Variants in DCC observed in about 807,000 individuals in gnomAD.
The protein encoded by DCC is netrin receptor DCC.
A neutral mutation model predicts 172.5 loss-of-function variants in DCC; 58 were observed. The observed-to-expected ratio is 0.34, with a 90% CI of 0.27 to 0.42. DCC has a LOEUF of 0.42. Among genes scored for constraint, DCC ranks in the 10% least tolerant of loss-of-function variants. The pLI, the probability that DCC is intolerant of heterozygous loss-of-function variation, is 1.00. For missense variants in DCC, 1,740 were observed against 1,791.0 expected, an observed-to-expected ratio of 0.97 and a Z score of 0.51; for synonymous variants, 709 against 644.5, an observed-to-expected ratio of 1.10 and a Z score of -1.52.
In DCC at chr18:52,612,208, T is replaced by C. The variant is rs528250127; in HGVS notation, c.92-139846T>C. Among the ~76,000 whole-genome samples the C allele has an allele frequency of 6.6e-5, 10 of 152,286 alleles. No homozygotes were observed. The South Asian group carries it at 2.1e-3, about 32-fold the overall frequency. On this transcript the variant is annotated intron_variant, in intron 1 of 28. Transcript: ENST00000442544. ...TGCAACAAGCCCCTTCCTGCTCTAG[T>C]GTCTTTGGCTCAGTCAGGTGATGCC...
chr18:53,410,642 G>T lies in DCC; in HGVS notation c.3126G>T (p.Leu1042=). Residue 1042 remains leucine (L), a synonymous_variant, in exon 20 of 29, where the codon CTG becomes CTT. Coordinates refer to ENST00000442544, the MANE Select transcript of DCC (RefSeq NM_005215.4). ...CTGATCCTATCCTCTTCAGGACTCT[G>T]AAAGGTTTGAATAATTTCCTATTAT... ...PLSDPILFRT[L]KVEHPDKMAN... The T allele has an allele frequency of 1.3e-6, 2 of 1,568,900 alleles. No individual in the cohort carries two copies. Among genetic ancestry groups the T allele is most frequent in the Non-Finnish European group, 1.8e-6 (2 of 1,138,064 alleles).
At chr18:53,330,266 G>T (rs775826798) in intron 14 of DCC, among the ~76,000 whole-genome samples, 5 of 152,152 alleles carry the variant, frequency 3.3e-5, no homozygotes, top group African/African-American at 4.8e-5. Flanking sequence ...CCTTAAGATT[G>T]ATTGTATTCT....
intron 7 of DCC, among the ~76,000 whole-genome samples, chr18:53,089,644 G>A (rs1160374077): frequency 6.6e-6 from 1 of 151,776 alleles, no homozygotes; most frequent in Admixed American, 6.6e-5. Context: ...GCACCTAAAA[G>A]TACTGTGGCC....
chr18:53,259,019 C>T (rs1369553030), intron 12 of DCC, among the ~76,000 whole-genome samples: 1 of 151,802 alleles, frequency 6.6e-6, no homozygotes, highest in African/African-American at 2.4e-5. Flanking sequence ...TTATCAGAGA[C>T]TAGGATTGCA....
intron 15 of DCC, among the ~76,000 whole-genome samples, chr18:53,341,197 T>C (rs2057655437): frequency 6.6e-6 from 1 of 152,198 alleles, no homozygotes; most frequent in Non-Finnish European, 1.5e-5. Flanking sequence ...ACAGTTCATC[T>C]TGATGCCACT....
chr18:52,862,722 A>ATC (rs1480561224), intron 2 of DCC, among the ~76,000 whole-genome samples: 1 of 152,120 alleles, frequency 6.6e-6, no homozygotes, highest in Non-Finnish European at 1.5e-5. Flanking sequence ...AACTAAAAAA[A>ATC]TTAAAAAAAA....
chr18:53,481,546 A>C (rs996768285), intron 25 of DCC, among the ~76,000 whole-genome samples: 2 of 152,144 alleles, frequency 1.3e-5, no homozygotes, highest in African/African-American at 4.8e-5. Context: ...AATGTCCCAG[A>C]TAATATACAG....
At chr18:53,508,704 C>T (rs774031880) in intron 27 of DCC, among the ~76,000 whole-genome samples, 2 of 152,310 alleles carry the variant, frequency 1.3e-5, no homozygotes, top group Non-Finnish European at 2.9e-5. Flanking sequence ...CTGGAGAACA[C>T]ATTGCCTGAT....
chr18:53,492,598 C>A (rs1178089115), intron 26 of DCC, among the ~76,000 whole-genome samples: 3 of 152,082 alleles, frequency 2.0e-5, no homozygotes, highest in Non-Finnish European at 4.4e-5. Context: ...TCAGGTTTGT[C>A]AAAGATCAGA....
At chr18:52,610,179 AT>A (rs1361555210) in intron 1 of DCC, among the ~76,000 whole-genome samples, 1,622 of 8,702 alleles carry the variant, frequency 0.19, 346 homozygotes, top group Non-Finnish European at 0.23. Context: ...AAAAAAAAAA[AT>A]ATATATATAT....
At position 53,467,432 on chromosome 18, in the gene DCC, A is replaced by C. The variant is rs74781699; in HGVS notation, c.3620-462A>C. On this transcript the variant is annotated intron_variant, in intron 24 of 28. Transcript: ENST00000442544. ...AGTTTATTTCTTGTGGGTTTTTTGT[A>C]ATAAAATTTAATATGGTTGGGCTTA... Among the ~76,000 whole-genome samples, 73 of 152,166 alleles carry C rather than the reference A, an allele frequency of 4.8e-4. No homozygotes were observed. In the East Asian group the frequency reaches 0.012, roughly 25 times the overall value.
intron 1 of DCC, among the ~76,000 whole-genome samples, chr18:52,561,567 T>C (rs1435684668): frequency 6.6e-6 from 1 of 152,106 alleles, no homozygotes; most frequent in Non-Finnish European, 1.5e-5. Flanking sequence ...ATGAGTGTGC[T>C]CGAAAAAGCG....
At chr18:53,369,383 G>C (rs10048229) in intron 15 of DCC, among the ~76,000 whole-genome samples, 1 of 151,632 alleles carries the variant, frequency 6.6e-6, no homozygotes, top group Non-Finnish European at 1.5e-5. Context: ...AGTTATATTT[G>C]CAAAATCTTA....
intron 14 of DCC, among the ~76,000 whole-genome samples, chr18:53,327,400 T>C (rs548545483): frequency 6.6e-6 from 1 of 152,236 alleles, no homozygotes; most frequent in African/African-American, 2.4e-5. Flanking sequence ...GATAGAGTGA[T>C]AGAGTTCAAC....
intron 22 of DCC, among the ~76,000 whole-genome samples, chr18:53,440,037 T>A (rs1912177901): frequency 6.6e-6 from 1 of 151,730 alleles, no homozygotes; most frequent in African/African-American, 2.4e-5. Flanking sequence ...AGTGCTGGGA[T>A]TACAGGCGTG....
chr18:52,734,198 A>G (rs1219776284), intron 1 of DCC, among the ~76,000 whole-genome samples: 2 of 152,102 alleles, frequency 1.3e-5, no homozygotes, highest in African/African-American at 4.8e-5. Flanking sequence ...TGTATGGGGT[A>G]CATGAGATGT....
chr18:53,416,116 C>A lies in DCC; in HGVS notation c.3131-8C>A. ...AGTCTAATAATGTTATTTCTTTTTC[C>A]CCCGCAGTGGAACACCCTGACAAAA... On this transcript the variant is annotated splice_region_variant and splice_polypyrimidine_tract_variant and intron_variant, in intron 20 of 28. Coordinates refer to ENST00000442544, the MANE Select transcript of DCC (RefSeq NM_005215.4). 6.2e-7 allele frequency: 1 copy of A among 1,604,736 alleles called. No homozygotes were observed. The highest frequency in any genetic ancestry group is 2.2e-5 in the East Asian group (1 of 44,804).
chr18:52,455,074 A>G (rs1713400931), intron 1 of DCC, among the ~76,000 whole-genome samples: 1 of 152,170 alleles, frequency 6.6e-6, no homozygotes, highest in African/African-American at 2.4e-5. Context: ...TAAAGCTAAA[A>G]ATTCCTTTTA....
At chr18:53,003,818 C>T (rs942364663) in intron 5 of DCC, among the ~76,000 whole-genome samples, 82 of 152,070 alleles carry the variant, frequency 5.4e-4, no homozygotes, top group African/African-American at 2.0e-3. Flanking sequence ...TAATATTCAC[C>T]TTCTGCTAAG....
Sources: allele counts gnomAD v4.1 joint callset (sites outside exome capture counted in the v4.1 genomes callset), GRCh38; gene constraint gnomAD v4.1.1; transcripts MANE v1.5; gene names NCBI Gene and HGNC (gene_info 2026-07-23, HGNC 2026-07-21).